STT3A: variants seen among roughly 807,000 people sequenced by gnomAD.
STT3A encodes STT3 oligosaccharyltransferase complex catalytic subunit A.
Under a neutral mutation model 89.2 loss-of-function variants are expected in STT3A, and 34 were observed. The ratio of observed to expected loss-of-function variants is 0.38; its 90% CI spans 0.29 to 0.51. STT3A has a LOEUF of 0.51. STT3A is among the 20% of genes least tolerant of loss of function. The pLI is 0.89. For synonymous variants in STT3A, 282 were observed against 310.3 expected (o/e 0.91, Z 0.96); for missense variants, 555 against 889.5 (o/e 0.62, Z 4.78).
intron 1 of STT3A, among the ~76,000 whole-genome samples, chr11:125,594,535 G>T: frequency 7.4e-6 from 1 of 135,250 alleles, no homozygotes; most frequent in Middle Eastern, 4.9e-3. Context: ...AGTGAGCCGA[G>T]ATGGCACCAC....
chr11:125,617,965 A>T (rs893345005), intron 15 of STT3A, among the ~76,000 whole-genome samples: 1 of 152,220 alleles, frequency 6.6e-6, no homozygotes, highest in South Asian at 2.1e-4. Context: ...TTTTTTACTA[A>T]CTTTTCAAAA....
intron 15 of STT3A, among the ~76,000 whole-genome samples, chr11:125,616,903 C>G (rs1940195716): frequency 1.3e-5 from 2 of 152,150 alleles, no homozygotes; most frequent in South Asian, 4.1e-4. Context: ...TTCTTGAACT[C>G]CTGTGCTCAA....
chr11:125,616,628 CA>C (rs1262106805), intron 15 of STT3A, among the ~76,000 whole-genome samples: 2 of 152,174 alleles, frequency 1.3e-5, no homozygotes, highest in Non-Finnish European at 1.5e-5. Context: ...TTTTTGTAGA[CA>C]ACCATATCTT....
At chr11:125,618,600 A>G (rs1940248941) in intron 16 of STT3A, 39 bp downstream of exon 16, 1 of 1,582,324 alleles carries the variant, frequency 6.3e-7, no homozygotes, top group Non-Finnish European at 8.6e-7. Flanking sequence ...AGTAGTAATA[A>G]TAGTGATTAC....
At chr11:125,608,662 C>G (rs1939911239) in intron 9 of STT3A, among the ~76,000 whole-genome samples, 1 of 152,198 alleles carries the variant, frequency 6.6e-6, no homozygotes, top group Non-Finnish European at 1.5e-5. Context: ...CAGATGGGTA[C>G]AGACATAGAA....
At chr11:125,599,194 C>A (rs1471757784) in intron 3 of STT3A, among the ~76,000 whole-genome samples, 1 of 152,144 alleles carries the variant, frequency 6.6e-6, no homozygotes, top group Non-Finnish European at 1.5e-5. Context: ...TGTCTGCAAC[C>A]CTCATCTCTT....
chr11:125,612,931 C>T, intron 12 of STT3A, 58 bp from the exon 13 acceptor site: 2 of 1,588,280 alleles, frequency 1.3e-6, no homozygotes, highest in Non-Finnish European at 1.7e-6. Context: ...AGAAGTTGTC[C>T]TGTGTTGTGT....
chr11:125,592,929 C>G lies in STT3A; in HGVS notation c.-36+11C>G, dbSNP rs912669937. 2 of 170,226 alleles carry G rather than the reference C, an allele frequency of 1.2e-5. No individual in the cohort carries two copies. The highest frequency in any genetic ancestry group is 1.2e-4 in the Admixed American group (2 of 16,646). 10.5% of individuals were successfully genotyped at this position (170,226 alleles called of 1,614,324 possible). A position where few individuals can be genotyped will look rare whatever the true frequency, so the allele number is the denominator to read the frequency against. On this transcript the variant is annotated intron_variant, in intron 1 of 17. Coordinates refer to ENST00000392708, the MANE Select transcript of STT3A (RefSeq NM_152713.5). ...AGGAAAGCCGGCCAGGTGAGAAGGC[C>G]GTAGAACGTAACTTGAAAATCAGCG...
intron 1 of STT3A, among the ~76,000 whole-genome samples, chr11:125,593,983 C>G (rs1004356070): frequency 3.3e-5 from 5 of 151,984 alleles, no homozygotes; most frequent in African/African-American, 1.2e-4. Context: ...TTCTAGTGTT[C>G]TATAGGATAA....
chr11:125,611,668 C>G, intron 11 of STT3A, 149 bp downstream of exon 11: 1 of 693,342 alleles, frequency 1.4e-6, no homozygotes, highest in Non-Finnish European at 2.3e-6. Context: ...TTGATCCTTT[C>G]CAGGAACGTA....
In STT3A at chr11:125,622,326, G is replaced by A. The variant is rs535647489; in HGVS notation, c.*1516G>A. 2.0e-5 allele frequency: 3 copies of A among 152,254 alleles called. No homozygotes were observed. The highest frequency in any genetic ancestry group is 7.2e-5 in the African/African-American group (3 of 41,540). The allele number at this position is 152,254 out of a possible 1,614,324, so 9.4% of individuals were successfully genotyped here. A position where few individuals can be genotyped will look rare whatever the true frequency, so the allele number is the denominator to read the frequency against. On this transcript the variant is annotated 3_prime_UTR_variant, in exon 18 of 18. Coordinates refer to ENST00000392708, the MANE Select transcript of STT3A (RefSeq NM_152713.5). The stretch of plus-strand genomic sequence containing the variant: ...TGGGTGAGATTTAGCCTCAAGATTT[G>A]ATTTACTATATGTAAGTACATTACT...
intron 15 of STT3A, among the ~76,000 whole-genome samples, chr11:125,616,787 C>G (rs1025935492): frequency 3.3e-5 from 5 of 152,172 alleles, no homozygotes; most frequent in Non-Finnish European, 7.3e-5. Context: ...AAGTGATCTT[C>G]CCACCTCAGC....
chr11:125,600,255 G>A (rs1939632050), intron 3 of STT3A, among the ~76,000 whole-genome samples: 1 of 151,866 alleles, frequency 6.6e-6, no homozygotes, highest in Non-Finnish European at 1.5e-5. Context: ...TCTCCATGTT[G>A]GTCAGGCTGG....
At position 125,623,002 on chromosome 11, in the gene STT3A, T is replaced by C. The variant is rs2846138; in HGVS notation, c.*2192T>C. On this transcript the variant is annotated 3_prime_UTR_variant, in exon 18 of 18. Transcript: ENST00000392708. ...TGAGGCATGAGAATTGCCCAGGAGGTGGAGGTTGCAGTGAGCAGACATCAT... is the reference window on the plus strand; with the variant it reads ...TGAGGCATGAGAATTGCCCAGGAGGCGGAGGTTGCAGTGAGCAGACATCAT... 0.41 allele frequency: 58,759 copies of C among 141,894 alleles called. 11,993 individuals are homozygous for C. Among genetic ancestry groups the C allele is most frequent in the African/African-American group, 0.52 (20,103 of 38,522 alleles). The allele number at this position is 141,894 out of a possible 1,614,324, so 8.8% of individuals were successfully genotyped here.
Position 125,602,317 on chromosome 11 carries a change from G to A in STT3A, c.164G>A (p.Arg55Gln). 14 of 1,612,362 alleles carry A rather than the reference G, an allele frequency of 8.7e-6. No homozygotes were observed. Among genetic ancestry groups the A allele is most frequent in the South Asian group, 1.1e-5 (1 of 90,654 alleles). ...IHEFDPYFNY[R>Q]TTRFLAEEGF... ...TCTTGCTATAGGTACTTTAATTATC[G>A]GACTACCAGGTTCCTGGCTGAGGAG... Residue 55 changes from arginine (R) to glutamine (Q), a missense_variant, in exon 4 of 18, where the codon CGG becomes CAG. This residue lies in a region of STT3A where 129 missense variants were observed against 193.2 expected (regional missense o/e 0.67). Coordinates refer to ENST00000392708, the MANE Select transcript of STT3A (RefSeq NM_152713.5).
intron 1 of STT3A, among the ~76,000 whole-genome samples, chr11:125,594,601 AAGAT>A (rs1473096384): frequency 6.6e-6 from 1 of 151,664 alleles, no homozygotes; most frequent in African/African-American, 2.4e-5. Context: ...AAAAAAAAAA[AAGAT>A]AGTAGTACTG....
chr11:125,602,729 T>A, intron 4 of STT3A, 74 bp from the exon 5 acceptor site: 1 of 1,579,520 alleles, frequency 6.3e-7, no homozygotes, highest in African/African-American at 1.3e-5. Flanking sequence ...CTTTATTGTA[T>A]CTGGGATTTT....
At chr11:125,608,014 CA>C (rs1320758283) in intron 8 of STT3A, 94 bp from the exon 9 acceptor site, 1 of 1,317,270 alleles carries the variant, frequency 7.6e-7, no homozygotes, top group African/African-American at 1.5e-5. Flanking sequence ...CTCATTTGAC[CA>C]TTTGGTTTGA....
At chr11:125,592,800 C>A (rs1053014271), upstream of STT3A, 7 of 186,054 alleles carry the variant, frequency 3.8e-5, no homozygotes, top group Non-Finnish European at 3.5e-5. Flanking sequence ...GTCCTATTGG[C>A]CTGGAGCCAG....
Sources: gnomAD v4.1 joint callset for allele counts (sites outside exome capture counted in the v4.1 genomes callset) on GRCh38, gnomAD v4.1.1 for gene constraint, gnomAD v4.1.1 regional missense constraint, MANE v1.5 for transcripts, NCBI Gene and HGNC (gene_info 2026-07-23, HGNC 2026-07-21) for gene names.